VPS13A: variants seen among roughly 807,000 people sequenced by gnomAD.
VPS13A encodes vacuolar protein sorting 13 homolog A.
In VPS13A, 264 loss-of-function variants were observed where a neutral mutation model predicts 390.9. The ratio of observed to expected loss-of-function variants is 0.68; its 90% CI spans 0.61 to 0.75. VPS13A has a LOEUF of 0.75. VPS13A is among the 30% of genes least tolerant of loss of function. VPS13A has a pLI of 0.00. For synonymous variants in VPS13A, 1,231 were observed against 1,227.1 expected (o/e 1.00, Z -0.07); for missense variants, 3,409 against 3,733.9 (o/e 0.91, Z 2.27).
In VPS13A at chr9:77,213,281, G is replaced by A; in HGVS notation, c.663G>A (p.Gln221=). 6.2e-7 allele frequency: 1 copy of A among 1,613,664 alleles called. No homozygotes were observed. Among genetic ancestry groups the A allele is most frequent in the Non-Finnish European group, 8.5e-7 (1 of 1,179,834 alleles). The part of the protein sequence containing the change: ...NLFAYWNVKS[Q]MFYLSDYDNS... ...TTGCCTATTGGAATGTGAAGTCTCA[G>A]ATGTTTTATCTTAGTGATTATGATA... is the stretch of plus-strand genomic sequence containing the variant. Residue 221 remains glutamine, a synonymous_variant, in exon 9 of 72, where the codon CAG becomes CAA. Transcript: ENST00000360280.
chr9:77,220,166 A>T, intron 11 of VPS13A, 85 bp downstream of exon 11: 1 of 1,512,720 alleles, frequency 6.6e-7, no homozygotes, highest in Admixed American at 1.9e-5. Context: ...ACTAAAATTC[A>T]TGATGTTATA....
chr9:77,288,528 G>A (rs1286510428), intron 31 of VPS13A, among the ~76,000 whole-genome samples: 4 of 151,958 alleles, frequency 2.6e-5, no homozygotes, highest in Non-Finnish European at 5.9e-5. Context: ...TTTACCCATT[G>A]TTTATTTAGA....
chr9:77,333,403 C>A (rs928137484), intron 46 of VPS13A, among the ~76,000 whole-genome samples: 29 of 150,112 alleles, frequency 1.9e-4, no homozygotes, highest in African/African-American at 6.4e-4. Flanking sequence ...TAGTGACTAA[C>A]CAGCTTGGAT....
intron 68 of VPS13A, among the ~76,000 whole-genome samples, chr9:77,398,787 C>T (rs576805432): frequency 1.3e-5 from 2 of 152,126 alleles, no homozygotes; most frequent in South Asian, 4.2e-4. Flanking sequence ...GACGCTTTGA[C>T]GTTTATTCAA....
At chr9:77,411,202 G>A (rs1031192288) in intron 71 of VPS13A, among the ~76,000 whole-genome samples, 22 of 152,174 alleles carry the variant, frequency 1.4e-4, no homozygotes, top group African/African-American at 3.6e-4. Flanking sequence ...GGTACATAAC[G>A]AAATGAAGGC....
intron 69 of VPS13A, among the ~76,000 whole-genome samples, chr9:77,403,970 T>TA (rs1158319600): frequency 1.3e-5 from 2 of 152,198 alleles, no homozygotes; most frequent in Admixed American, 1.3e-4. Flanking sequence ...TTTGTTCACT[T>TA]ATGAAAGGTA....
chr9:77,295,501 T>C (rs1479464073), intron 32 of VPS13A, 41 bp from the exon 33 acceptor site: 1 of 1,478,770 alleles, frequency 6.8e-7, no homozygotes, highest in Non-Finnish European at 9.1e-7. Context: ...ATAAGTCGTA[T>C]TTATTAATAA....
intron 71 of VPS13A, among the ~76,000 whole-genome samples, chr9:77,409,971 G>A (rs977992918): frequency 6.6e-6 from 1 of 151,572 alleles, no homozygotes; most frequent in Non-Finnish European, 1.5e-5. Context: ...CTCAAGAAGA[G>A]CAACTCCAAG....
At position 77,420,974 on chromosome 9, in the gene VPS13A, T is replaced by C. The variant is rs1277316449; in HGVS notation, c.*4968T>C. 1 of 152,238 alleles carries C rather than the reference T, an allele frequency of 6.6e-6. No individual in the cohort carries two copies. The allele number at this position is 152,238 out of a possible 1,614,324, so 9.4% of individuals were successfully genotyped here. On this transcript the variant is annotated 3_prime_UTR_variant, in exon 72 of 72. Coordinates refer to ENST00000360280, the MANE Select transcript of VPS13A (RefSeq NM_033305.3). ...TATCCACACAAACTATTAGGAATGGTATCTGGAACTTGTTACAAGGTCAGA... is the reference window on the plus strand; with the variant it reads ...TATCCACACAAACTATTAGGAATGGCATCTGGAACTTGTTACAAGGTCAGA...
At chr9:77,188,393 C>G (rs72740396) in intron 1 of VPS13A, among the ~76,000 whole-genome samples, 2 of 152,132 alleles carry the variant, frequency 1.3e-5, no homozygotes, top group East Asian at 1.9e-4. Context: ...TGTGATAACT[C>G]GCTTAGGATA....
At chr9:77,208,027 G>T (rs889883564) in intron 5 of VPS13A, among the ~76,000 whole-genome samples, 4 of 152,214 alleles carry the variant, frequency 2.6e-5, no homozygotes, top group African/African-American at 9.7e-5. Context: ...GGGATTTAAG[G>T]TGTTGGTAAA....
At chr9:77,345,794 A>C (rs929743482) in intron 52 of VPS13A, among the ~76,000 whole-genome samples, 2 of 152,122 alleles carry the variant, frequency 1.3e-5, no homozygotes, top group Non-Finnish European at 2.9e-5. Flanking sequence ...TCCACTGCTA[A>C]CTGTACAACT....
At chr9:77,343,917 C>T (rs1210208008) in intron 50 of VPS13A, among the ~76,000 whole-genome samples, 1 of 152,150 alleles carries the variant, frequency 6.6e-6, no homozygotes, top group Admixed American at 6.5e-5. Context: ...GCCAGCAGTT[C>T]ACTTACCATA....
At chr9:77,307,212 A>AGC (rs1828808122) in intron 34 of VPS13A, among the ~76,000 whole-genome samples, 1 of 152,076 alleles carries the variant, frequency 6.6e-6, no homozygotes, top group Non-Finnish European at 1.5e-5. Flanking sequence ...GCCTGAAATT[A>AGC]TTAGCTCTTT....
intron 47 of VPS13A, chr9:77,337,897 G>T: frequency 5.8e-6 from 1 of 171,062 alleles, no homozygotes. Flanking sequence ...TTCATTTGCA[G>T]TGCTTATCAA....
At chr9:77,315,182 G>A (rs1383182642) in intron 37 of VPS13A, 71 bp from the exon 38 acceptor site, 1 of 1,347,610 alleles carries the variant, frequency 7.4e-7, no homozygotes, top group African/African-American at 1.4e-5. Flanking sequence ...AGAGGTCTTT[G>A]AGTTTTACTC....
At chr9:77,336,901 A>G (rs1417636671) in intron 46 of VPS13A, among the ~76,000 whole-genome samples, 3 of 137,586 alleles carry the variant, frequency 2.2e-5, no homozygotes, top group African/African-American at 8.3e-5. Flanking sequence ...GGTTCTCTCC[A>G]TTCTCCTGCC....
intron 10 of VPS13A, among the ~76,000 whole-genome samples, chr9:77,219,036 T>C (rs1823028913): frequency 1.3e-5 from 2 of 152,030 alleles, no homozygotes; most frequent in African/African-American, 2.4e-5. Flanking sequence ...ATGGTGGAAC[T>C]TCAGTAAGGT....
Position 77,420,219 on chromosome 9 carries a change from T to A in VPS13A, c.*4213T>A, listed in dbSNP as rs1459606355. ...ATCTGTACTGTCAATTTTTGGCCACTCTGGCTGTTACAGCAAACTTTTCTC... is the reference window on the plus strand; with the variant it reads ...ATCTGTACTGTCAATTTTTGGCCACACTGGCTGTTACAGCAAACTTTTCTC... On this transcript the variant is annotated 3_prime_UTR_variant, in exon 72 of 72. Transcript: ENST00000360280. 6.6e-6 allele frequency: 1 copy of A among 152,226 alleles called. No homozygotes were observed. Among genetic ancestry groups the A allele is most frequent in the Non-Finnish European group, 1.5e-5 (1 of 68,042 alleles). The allele number at this position is 152,226 out of a possible 1,614,324, so 9.4% of individuals were successfully genotyped here. A position where few individuals can be genotyped will look rare whatever the true frequency, so the allele number is the denominator to read the frequency against.
Sources: gnomAD v4.1 joint callset for allele counts (sites outside exome capture counted in the v4.1 genomes callset) on GRCh38, gnomAD v4.1.1 for gene constraint, MANE v1.5 for transcripts, NCBI Gene and HGNC (gene_info 2026-07-23, HGNC 2026-07-21) for gene names.